SUGCT: variants seen among roughly 807,000 people sequenced by gnomAD.
The protein encoded by SUGCT is succinyl-CoA:glutarate CoA-transferase.
Under a neutral mutation model 55.0 loss-of-function variants are expected in SUGCT, and 41 were observed. The observed-to-expected ratio is 0.74, with a 90% CI of 0.58 to 0.97. The LOEUF (loss-of-function observed/expected upper bound fraction) is 0.97, where lower values mean the gene tolerates loss of function less well. Ranked by LOEUF, SUGCT falls within the 50% of genes least tolerant of loss-of-function variation. The pLI, the probability that SUGCT is intolerant of heterozygous loss-of-function variation, is 0.00. For synonymous variants in SUGCT, 187 were observed against 200.4 expected, an observed-to-expected ratio of 0.93 and a Z score of 0.56; for missense variants, 568 against 547.8, an observed-to-expected ratio of 1.04 and a Z score of -0.37.
intron 9 of SUGCT, among the ~76,000 whole-genome samples, chr7:40,429,312 A>G (rs977367811): frequency 1.3e-5 from 2 of 152,020 alleles, no homozygotes; most frequent in Non-Finnish European, 2.9e-5. Context: ...CTTCCCATGC[A>G]TGGTGTATTA....
intron 12 of SUGCT, among the ~76,000 whole-genome samples, chr7:40,559,986 A>G (rs1463069954): frequency 2.6e-5 from 4 of 152,172 alleles, no homozygotes; most frequent in Admixed American, 1.3e-4. Context: ...AACCTTTTCT[A>G]TTTTGGATTC....
the SUGCT span, among the ~76,000 whole-genome samples, chr7:40,953,762 C>T: frequency 1.3e-5 from 2 of 152,228 alleles, no homozygotes; most frequent in African/African-American, 4.8e-5. Context: ...GGCTGCAGAA[C>T]AGCAAATATT....
At chr7:41,002,354 G>C in the SUGCT span, among the ~76,000 whole-genome samples, 1 of 152,174 alleles carries the variant, frequency 6.6e-6, no homozygotes. Context: ...TCAAGAGATA[G>C]AGGACAGAGA....
chr7:40,727,202 A>G (rs1584345534), intron 12 of SUGCT, among the ~76,000 whole-genome samples: 1 of 152,210 alleles, frequency 6.6e-6, no homozygotes, highest in South Asian at 2.1e-4. Flanking sequence ...TGCTATGTAC[A>G]AAGGTGTCAT....
At chr7:40,898,683 C>T in the SUGCT span, among the ~76,000 whole-genome samples, 1,353 of 151,648 alleles carry the variant, frequency 8.9e-3, 8 homozygotes, top group Non-Finnish European at 0.014. Context: ...GAGATCGCGC[C>T]GCGAGACTCC....
intron 1 of SUGCT, among the ~76,000 whole-genome samples, chr7:40,159,474 G>A (rs771480770): frequency 9.2e-5 from 14 of 151,880 alleles, no homozygotes; most frequent in Admixed American, 3.9e-4. Context: ...GGGTTCAAGC[G>A]ATTCCCCTGC....
intron 9 of SUGCT, among the ~76,000 whole-genome samples, chr7:40,445,630 C>G (rs1788786563): frequency 6.6e-6 from 1 of 152,118 alleles, no homozygotes; most frequent in Non-Finnish European, 1.5e-5. Flanking sequence ...AGAGGGAATC[C>G]TCCCTAACTC....
chr7:40,903,037 CT>C, the SUGCT span, among the ~76,000 whole-genome samples: 17,856 of 144,674 alleles, frequency 0.12, 1,602 homozygotes, highest in African/African-American at 0.26. Context: ...CTTTTCTTTT[CT>C]TTTTTTTTTT....
At chr7:40,854,661 G>A (rs1385994366) in intron 13 of SUGCT, among the ~76,000 whole-genome samples, 1 of 151,930 alleles carries the variant, frequency 6.6e-6, no homozygotes, top group Admixed American at 6.6e-5. Context: ...TGAGAAAGTT[G>A]AAAGGTGGAC....
intron 2 of SUGCT, among the ~76,000 whole-genome samples, chr7:40,181,526 A>G (rs1036387517): frequency 3.3e-5 from 5 of 151,962 alleles, no homozygotes; most frequent in African/African-American, 1.2e-4. Context: ...CGGGCGGATC[A>G]TGAGGTCAGG....
At chr7:40,463,130 G>A (rs189563837) in intron 11 of SUGCT, among the ~76,000 whole-genome samples, 1 of 152,108 alleles carries the variant, frequency 6.6e-6, no homozygotes, top group Admixed American at 6.5e-5. Flanking sequence ...ACCTTACATC[G>A]CAGGCACTTT....
the SUGCT span, among the ~76,000 whole-genome samples, chr7:40,903,981 G>A: frequency 6.6e-6 from 1 of 152,144 alleles, no homozygotes; most frequent in South Asian, 2.1e-4. Context: ...GTACTGGATG[G>A]CCGCTGCCCA....
intron 6 of SUGCT, among the ~76,000 whole-genome samples, chr7:40,197,952 T>C (rs1387191551): frequency 2.0e-5 from 3 of 152,228 alleles, no homozygotes; most frequent in African/African-American, 7.2e-5. Flanking sequence ...GGAGAGTCTC[T>C]AAGTTTTCTT....
intron 7 of SUGCT, among the ~76,000 whole-genome samples, chr7:40,251,252 T>C (rs193255014): frequency 6.6e-6 from 1 of 152,344 alleles, no homozygotes; most frequent in East Asian, 1.9e-4. Flanking sequence ...TCCCAATTGC[T>C]GCTAATTAAC....
intron 7 of SUGCT, among the ~76,000 whole-genome samples, chr7:40,251,219 C>T (rs951434727): frequency 2.6e-5 from 4 of 152,156 alleles, no homozygotes; most frequent in Non-Finnish European, 4.4e-5. Flanking sequence ...ACATTCGTTC[C>T]TTCCATCTTC....
At chr7:40,151,425 T>C (rs1032912727) in intron 1 of SUGCT, among the ~76,000 whole-genome samples, 14 of 152,262 alleles carry the variant, frequency 9.2e-5, no homozygotes, top group Admixed American at 2.0e-4. Flanking sequence ...AGCTGCCTTT[T>C]TTAGATGAAG....
intron 11 of SUGCT, among the ~76,000 whole-genome samples, chr7:40,461,210 G>A (rs929455867): frequency 6.6e-6 from 1 of 152,090 alleles, no homozygotes; most frequent in South Asian, 2.1e-4. Flanking sequence ...AATATCACTG[G>A]AATCATTAGT....
the SUGCT span, among the ~76,000 whole-genome samples, chr7:40,941,021 CT>C: frequency 6.6e-6 from 1 of 151,762 alleles, no homozygotes; most frequent in Non-Finnish European, 1.5e-5. Context: ...TCATATATTG[CT>C]TTTGATATTT....
At chr7:40,907,757 A>C in the SUGCT span, among the ~76,000 whole-genome samples, 1 of 152,206 alleles carries the variant, frequency 6.6e-6, no homozygotes, top group South Asian at 2.1e-4. Context: ...GAATTGCATA[A>C]AGATGAGGCA....
Sources: allele counts gnomAD v4.1 joint callset (sites outside exome capture counted in the v4.1 genomes callset), GRCh38; gene constraint gnomAD v4.1.1; transcripts MANE v1.5; gene names NCBI Gene and HGNC (gene_info 2026-07-23, HGNC 2026-07-21).